Variants in CCDC186 observed in about 807,000 individuals in gnomAD.
CCDC186 encodes the protein coiled-coil domain containing 186, also known as coiled-coil domain-containing protein 186.
Under a neutral mutation model 113.7 loss-of-function variants are expected in CCDC186, and 49 were observed. That is an observed-to-expected ratio of 0.43 (90% CI 0.34 to 0.55). The LOEUF is 0.55. Among genes scored for constraint, CCDC186 ranks in the 20% least tolerant of loss-of-function variants. CCDC186 has a pLI of 0.02. For synonymous variants in CCDC186, 355 were observed against 345.8 expected, an observed-to-expected ratio of 1.03 and a Z score of -0.30; for missense variants, 890 against 1,011.1, an observed-to-expected ratio of 0.88 and a Z score of 1.62.
chr10:114,144,623 T>C lies in CCDC186; in HGVS notation c.1102-7A>G, dbSNP rs769142249. The stretch of plus-strand genomic sequence containing the variant: ...GTCTAGTCGTTTCGCCTTCCTAAAA[T>C]AATATCACTAGGTCATATATTTTCA... On this transcript the variant is annotated splice_polypyrimidine_tract_variant and splice_region_variant and intron_variant, in intron 5 of 15. Transcript: ENST00000369287. The C allele has an allele frequency of 6.2e-6, 10 of 1,600,468 alleles. No homozygotes were observed. The East Asian group carries it at 1.6e-4, about 25-fold the overall frequency.
intron 4 of CCDC186, among the ~76,000 whole-genome samples, chr10:114,149,577 G>C (rs2031756432): frequency 5.3e-5 from 1 of 18,694 alleles, no homozygotes; most frequent in African/African-American, 2.9e-4. Context: ...GGGAAGGGAA[G>C]GGAAGGGAAG....
At chr10:114,167,109 C>T (rs2032358628) in intron 1 of CCDC186, among the ~76,000 whole-genome samples, 1 of 149,674 alleles carries the variant, frequency 6.7e-6, no homozygotes, top group South Asian at 2.1e-4. Flanking sequence ...CAACCTCTGA[C>T]TCCCTGGTTC....
chr10:114,163,376 C>T (rs754622941), intron 1 of CCDC186, 47 bp from the exon 2 acceptor site: 3 of 1,455,566 alleles, frequency 2.1e-6, no homozygotes, highest in Non-Finnish European at 2.7e-6. Context: ...AAACCAAAAC[C>T]CCATACAAAC....
chr10:114,159,211 T>C (rs770066049), intron 2 of CCDC186, among the ~76,000 whole-genome samples: 9 of 152,182 alleles, frequency 5.9e-5, no homozygotes, highest in Non-Finnish European at 1.0e-4. Context: ...ACTTAGATCA[T>C]TTATGTGAGG....
intron 2 of CCDC186, chr10:114,162,081 A>G (rs2032184310): frequency 6.6e-6 from 1 of 152,228 alleles, no homozygotes; most frequent in South Asian, 2.1e-4. Context: ...AAAGTGAAAA[A>G]GTTCTGCAGA....
upstream of CCDC186, chr10:114,174,217 A>G (rs2032633202): frequency 4.7e-6 from 2 of 422,858 alleles, no homozygotes; most frequent in Non-Finnish European, 9.9e-6. Flanking sequence ...GGCGACACTG[A>G]AGCCGGCCCG....
At chr10:114,157,729 T>C (rs1589627799) in intron 2 of CCDC186, 49 bp from the exon 3 acceptor site, 1 of 1,391,080 alleles carries the variant, frequency 7.2e-7, no homozygotes, top group Non-Finnish European at 9.8e-7. Context: ...AAAATGGAGA[T>C]AAAATAATAT....
intron 9 of CCDC186, 67 bp downstream of exon 9, chr10:114,135,824 A>G: frequency 7.9e-7 from 1 of 1,268,994 alleles, no homozygotes; most frequent in Non-Finnish European, 1.1e-6. Flanking sequence ...CACTTTAAAA[A>G]TCAGAATGAA....
intron 2 of CCDC186, among the ~76,000 whole-genome samples, chr10:114,159,839 G>C (rs1344659987): frequency 6.6e-6 from 1 of 152,044 alleles, no homozygotes; most frequent in Admixed American, 6.6e-5. Context: ...GTGCGCACCT[G>C]TTGTCCAAGC....
chr10:114,150,657 T>C (rs1589622601), intron 4 of CCDC186, among the ~76,000 whole-genome samples: 1 of 152,216 alleles, frequency 6.6e-6, no homozygotes. Context: ...AATGACTTAC[T>C]ATTTTTTTTT....
intron 9 of CCDC186, among the ~76,000 whole-genome samples, chr10:114,135,597 T>C (rs992282677): frequency 6.6e-6 from 1 of 152,156 alleles, no homozygotes; most frequent in African/African-American, 2.4e-5. Flanking sequence ...ATCTTTCCAA[T>C]TGATTCGTTG....
intron 3 of CCDC186, among the ~76,000 whole-genome samples, chr10:114,155,170 G>T (rs2119816912): frequency 6.6e-6 from 1 of 152,298 alleles, no homozygotes; most frequent in Middle Eastern, 3.4e-3. Flanking sequence ...TGTGGTAAAG[G>T]TTGCACAGGT....
intron 1 of CCDC186, among the ~76,000 whole-genome samples, chr10:114,166,544 A>G (rs557250370): frequency 2.0e-5 from 3 of 152,360 alleles, no homozygotes; most frequent in South Asian, 2.1e-4. Context: ...TGATCTTTGT[A>G]CTTGCACGAA....
At chr10:114,136,294 C>T in intron 7 of CCDC186, 48 bp from the exon 8 acceptor site, 1 of 1,388,096 alleles carries the variant, frequency 7.2e-7, no homozygotes, top group East Asian at 2.3e-5. Flanking sequence ...AACCCATTTC[C>T]CGTTTGCCCT....
intron 3 of CCDC186, among the ~76,000 whole-genome samples, chr10:114,154,998 A>G (rs902045170): frequency 1.3e-5 from 2 of 152,362 alleles, no homozygotes; most frequent in South Asian, 2.1e-4. Context: ...TACCTATTAT[A>G]TAATTCCATT....
At chr10:114,155,511 C>T (rs1475705814) in intron 3 of CCDC186, among the ~76,000 whole-genome samples, 1 of 151,992 alleles carries the variant, frequency 6.6e-6, no homozygotes, top group Non-Finnish European at 1.5e-5. Context: ...CCTGTCTCTA[C>T]CAAAAATATA....
At chr10:114,171,286 A>C (rs867312851) in intron 1 of CCDC186, among the ~76,000 whole-genome samples, 4 of 152,108 alleles carry the variant, frequency 2.6e-5, no homozygotes, top group Non-Finnish European at 5.9e-5. Context: ...CTGTAATCCC[A>C]GCACTTTGGG....
intron 4 of CCDC186, among the ~76,000 whole-genome samples, chr10:114,149,725 G>T (rs1239327661): frequency 2.0e-5 from 2 of 97,794 alleles, no homozygotes; most frequent in East Asian, 4.6e-4. Context: ...AGGAAGGGAG[G>T]AAGGGACGAA....
At chr10:114,138,379 C>T (rs574400644) in intron 6 of CCDC186, among the ~76,000 whole-genome samples, 4 of 148,752 alleles carry the variant, frequency 2.7e-5, no homozygotes, top group African/African-American at 9.9e-5. Flanking sequence ...TTGCAACCTC[C>T]GCCTCCTGGG....
Sources: gnomAD v4.1 joint callset for allele counts (sites outside exome capture counted in the v4.1 genomes callset) on GRCh38, gnomAD v4.1.1 for gene constraint, MANE v1.5 for transcripts, NCBI Gene and HGNC (gene_info 2026-07-23, HGNC 2026-07-21) for gene names.